Variants in SPAG16 observed in about 807,000 individuals in gnomAD.
SPAG16 encodes the protein sperm associated antigen 16, also known as sperm-associated antigen 16 protein.
A neutral mutation model predicts 80.4 loss-of-function variants in SPAG16; 86 were observed. The ratio of observed to expected loss-of-function variants is 1.07; its 90% CI spans 0.90 to 1.28. SPAG16 has a LOEUF of 1.28. Among genes scored for constraint, SPAG16 ranks in the 50% most tolerant of loss-of-function variants. The probability of loss-of-function intolerance (pLI) is 0.00; values close to 1 mark genes in which losing one functional copy is unlikely to be tolerated. For missense variants in SPAG16, 870 were observed against 765.3 expected, an observed-to-expected ratio of 1.14 and a Z score of -1.61; for synonymous variants, 294 against 265.9, an observed-to-expected ratio of 1.11 and a Z score of -1.03.
intron 10 of SPAG16, among the ~76,000 whole-genome samples, chr2:213,805,534 G>C (rs1252920010): frequency 1.3e-5 from 2 of 152,154 alleles, no homozygotes; most frequent in African/African-American, 2.4e-5. Context: ...TTTTAGAAGA[G>C]TTATCTGAGG....
At chr2:214,207,511 A>G (rs1176184502) in intron 15 of SPAG16, among the ~76,000 whole-genome samples, 6 of 152,168 alleles carry the variant, frequency 3.9e-5, no homozygotes, top group Non-Finnish European at 8.8e-5. Flanking sequence ...ATCTTCTCAA[A>G]TATCAGGCCC....
chr2:213,384,724 C>A (rs1233466747), intron 9 of SPAG16, among the ~76,000 whole-genome samples: 1 of 152,188 alleles, frequency 6.6e-6, no homozygotes, highest in East Asian at 1.9e-4. Flanking sequence ...GGAAACCAGG[C>A]AAGAGATAGT....
chr2:213,714,285 A>G (rs1307265987), intron 10 of SPAG16, among the ~76,000 whole-genome samples: 1 of 152,222 alleles, frequency 6.6e-6, no homozygotes, highest in Non-Finnish European at 1.5e-5. Context: ...GGTGTCTGCC[A>G]AAAACTCTCA....
chr2:213,553,068 G>T (rs749339068), intron 10 of SPAG16, among the ~76,000 whole-genome samples: 1 of 152,006 alleles, frequency 6.6e-6, no homozygotes, highest in Non-Finnish European at 1.5e-5. Context: ...GCCTATTGTG[G>T]GACTTCACCT....
intron 15 of SPAG16, among the ~76,000 whole-genome samples, chr2:214,314,531 C>T (rs1284509320): frequency 6.6e-6 from 1 of 152,150 alleles, no homozygotes; most frequent in East Asian, 1.9e-4. Context: ...TTGAATCCCA[C>T]CCTTATCACT....
intron 10 of SPAG16, among the ~76,000 whole-genome samples, chr2:213,537,340 A>C (rs574839662): frequency 3.5e-4 from 53 of 152,256 alleles, no homozygotes; most frequent in South Asian, 8.3e-4. Flanking sequence ...AACAAACAAA[A>C]AAAAGCAACC....
rs1264765155 is a variant in SPAG16, at chr2:213,324,254, CAA to C, written c.536+6899_536+6900del. ...CTCTTACCCATTCCCTACTGTACCT[CAA>C]GTTATTATAATATATAATTTTTACA... is the stretch of plus-strand genomic sequence containing the variant. On this transcript the variant is annotated intron_variant, in intron 5 of 15. Transcript: ENST00000331683. Among the ~76,000 whole-genome samples, 7 of 77,932 alleles carry C rather than the reference CAA, an allele frequency of 9.0e-5. 1 individual carries two copies. The highest frequency in any genetic ancestry group is 1.9e-3 in the South Asian group (2 of 1,026). The allele number at this position is 77,932 out of a possible 152,430, so 51.1% of individuals were successfully genotyped here.
At chr2:214,240,744 TA>T in intron 15 of SPAG16, 1 of 152,272 alleles carries the variant, frequency 6.6e-6, no homozygotes, top group Non-Finnish European at 1.5e-5. Context: ...TCAGTCATCA[TA>T]AAAAATATAA....
intron 11 of SPAG16, among the ~76,000 whole-genome samples, chr2:213,927,114 C>G (rs141552119): frequency 1.1e-4 from 17 of 152,282 alleles, no homozygotes; most frequent in African/African-American, 3.9e-4. Context: ...ATGCAGGGAG[C>G]GAGTTAACTC....
intron 15 of SPAG16, among the ~76,000 whole-genome samples, chr2:214,351,774 AT>A (rs34879537): frequency 0.7 from 105,541 of 149,776 alleles, 40,589 homozygotes; most frequent in South Asian, 0.87. Flanking sequence ...AATTGTATCA[AT>A]TTTTTTTTTA....
intron 9 of SPAG16, among the ~76,000 whole-genome samples, chr2:213,438,740 A>T (rs970960153): frequency 2.0e-5 from 3 of 152,366 alleles, no homozygotes; most frequent in Admixed American, 6.5e-5. Context: ...ATTTTTACAG[A>T]TGTAATTAGT....
chr2:214,104,520 A>C (rs1323530766), intron 13 of SPAG16, among the ~76,000 whole-genome samples: 5 of 152,148 alleles, frequency 3.3e-5, no homozygotes, highest in Admixed American at 2.6e-4. Flanking sequence ...AGCTGGGCAG[A>C]GTAGGGCTGT....
At chr2:213,607,267 A>C (rs2061294941) in intron 10 of SPAG16, among the ~76,000 whole-genome samples, 1 of 152,204 alleles carries the variant, frequency 6.6e-6, no homozygotes. Context: ...CTGTAGTAAA[A>C]TATTTCTTTC....
At chr2:213,999,580 T>C (rs1203331368) in intron 12 of SPAG16, among the ~76,000 whole-genome samples, 1 of 152,194 alleles carries the variant, frequency 6.6e-6, no homozygotes, top group Non-Finnish European at 1.5e-5. Context: ...CACTGCCTAG[T>C]GGGGCTGTGA....
At chr2:213,955,162 A>T (rs2106334217) in intron 12 of SPAG16, among the ~76,000 whole-genome samples, 1 of 152,028 alleles carries the variant, frequency 6.6e-6, no homozygotes, top group East Asian at 1.9e-4. Context: ...TGGTTAAATG[A>T]TTTATCAATT....
In SPAG16 at chr2:214,152,314, A is replaced by G. The variant is rs370189435; in HGVS notation, c.1720+3048A>G. On this transcript the variant is annotated intron_variant, in intron 15 of 15. Coordinates refer to ENST00000331683, the MANE Select transcript of SPAG16 (RefSeq NM_024532.5). ...TCATTTTTAAAATGTAGCTTTGGCA[A>G]AAATGTTGGAAAACCAAAGGTGAAG... Among the ~76,000 whole-genome samples, 55 of 152,350 alleles carry G rather than the reference A, an allele frequency of 3.6e-4. 1 individual carries two copies. The East Asian group carries it at 9.5e-3, about 26-fold the overall frequency.
intron 10 of SPAG16, among the ~76,000 whole-genome samples, chr2:213,663,538 A>C (rs80004901): frequency 5.9e-5 from 9 of 152,196 alleles, no homozygotes; most frequent in African/African-American, 1.9e-4. Context: ...CACTTAGAGG[A>C]TTATAATCAC....
At chr2:214,253,697 G>T (rs1690468522) in intron 15 of SPAG16, among the ~76,000 whole-genome samples, 1 of 152,044 alleles carries the variant, frequency 6.6e-6, no homozygotes, top group Non-Finnish European at 1.5e-5. Flanking sequence ...TGCTGTTTTG[G>T]TTGCTGTACA....
chr2:213,562,985 C>T (rs902162546), intron 10 of SPAG16, among the ~76,000 whole-genome samples: 2 of 152,200 alleles, frequency 1.3e-5, no homozygotes, highest in Non-Finnish European at 2.9e-5. Flanking sequence ...AACACCATCA[C>T]GCTGGGCGTT....
Sources: gnomAD v4.1 joint callset for allele counts (sites outside exome capture counted in the v4.1 genomes callset) on GRCh38, gnomAD v4.1.1 for gene constraint, MANE v1.5 for transcripts, NCBI Gene and HGNC (gene_info 2026-07-23, HGNC 2026-07-21) for gene names.